Variants in PMS2 observed in about 807,000 individuals in gnomAD.
PMS2 encodes mismatch repair endonuclease PMS2.
A neutral mutation model predicts 90.0 loss-of-function variants in PMS2; 69 were observed. The observed-to-expected ratio is 0.77, with a 90% CI of 0.63 to 0.94. The LOEUF (loss-of-function observed/expected upper bound fraction) is 0.94, where lower values mean the gene tolerates loss of function less well. PMS2 is among the 40% of genes least tolerant of loss of function. The pLI is 0.00. For synonymous variants in PMS2, 332 were observed against 375.1 expected (o/e 0.89, Z 1.33); for missense variants, 966 against 1,040.2 (o/e 0.93, Z 0.98).
At chr7:5,988,914 G>A (rs1260586835) in intron 10 of PMS2, among the ~76,000 whole-genome samples, 1 of 152,040 alleles carries the variant, frequency 6.6e-6, no homozygotes, top group African/African-American at 2.4e-5. Context: ...GGAGTGCAGT[G>A]GCACAATCTT....
At chr7:6,003,631 T>G (rs1459015364) in intron 4 of PMS2, 59 bp downstream of exon 4, 6 of 878,258 alleles carry the variant, frequency 6.8e-6, no homozygotes, top group Non-Finnish European at 9.5e-6. Flanking sequence ...ATGATTCCAA[T>G]TAATTTTCAG....
Position 5,982,810 on chromosome 7 carries a change from C to A in PMS2, c.2174+14G>T, listed in dbSNP as rs2128701987. 6.2e-7 allele frequency: 1 copy of A among 1,609,968 alleles called. No individual in the cohort carries two copies. The highest frequency in any genetic ancestry group is 2.2e-5 in the East Asian group (1 of 44,846). On this transcript the variant is annotated intron_variant, in intron 12 of 14. Coordinates refer to ENST00000265849, the MANE Select transcript of PMS2 (RefSeq NM_000535.7). ...TTGAGGGGGAGTCTGGGAATGAACA[C>A]TAAACACACTCACGCTATGAGCCTC...
Position 5,987,621 on chromosome 7 carries a change from C to T in PMS2, c.1145-1G>A, listed in dbSNP as rs2128737525. The T allele has an allele frequency of 6.3e-7, 1 of 1,586,404 alleles. No homozygotes were observed. The highest frequency in any genetic ancestry group is 8.6e-7 in the Non-Finnish European group (1 of 1,159,254). On this transcript the variant is annotated splice_acceptor_variant, in intron 10 of 14. Transcript: ENST00000265849. LOFTEE classifies it high-confidence loss of function. ...GCTGCATGCATTTTTATTAAGTTAC[C>T]TAAGCAAACGTGGACGGAGAAGAGG...
At chr7:5,995,449 C>T (rs1187220350) in intron 8 of PMS2, 85 bp downstream of exon 8, 8 of 830,126 alleles carry the variant, frequency 9.6e-6, no homozygotes, top group African/African-American at 5.1e-5. Flanking sequence ...CCGAGCTCCA[C>T]GTAAACTGCC....
At chr7:5,992,337 T>C (rs944112405) in intron 8 of PMS2, among the ~76,000 whole-genome samples, 5 of 151,318 alleles carry the variant, frequency 3.3e-5, no homozygotes, top group South Asian at 2.1e-4. Flanking sequence ...TTTTTTTTTT[T>C]CAACGGAGTC....
chr7:5,983,427 A>C (rs1442258783), intron 11 of PMS2, among the ~76,000 whole-genome samples: 1 of 151,492 alleles, frequency 6.6e-6, no homozygotes, highest in Non-Finnish European at 1.5e-5. Flanking sequence ...CCACTTTCTA[A>C]AGATAACATT....
intron 2 of PMS2, among the ~76,000 whole-genome samples, chr7:6,005,041 A>G (rs1228395530): frequency 6.6e-6 from 1 of 151,720 alleles, no homozygotes; most frequent in Non-Finnish European, 1.5e-5. Context: ...AGGAGCTGAG[A>G]TTACAGCCAT....
chr7:5,992,469 G>A (rs1265639959), intron 8 of PMS2, among the ~76,000 whole-genome samples: 2 of 151,938 alleles, frequency 1.3e-5, no homozygotes, highest in African/African-American at 2.4e-5. Flanking sequence ...ACAGGCACAC[G>A]CCACCATGAC....
chr7:5,996,588 A>T lies in PMS2; in HGVS notation c.803+738T>A, dbSNP rs543887447. Among the ~76,000 whole-genome samples, 69 of 89,416 alleles carry T rather than the reference A, an allele frequency of 7.7e-4. 1 individual carries two copies. The South Asian group carries it at 0.013, about 17-fold the overall frequency. The allele number at this position is 89,416 out of a possible 152,430, so 58.7% of individuals were successfully genotyped here. ...CTCCATCTCAAAGCTAAAAAAAAAA[A>T]AAATATATATATATATATATATATA... On this transcript the variant is annotated intron_variant, in intron 7 of 14. Coordinates refer to ENST00000265849, the MANE Select transcript of PMS2 (RefSeq NM_000535.7).
chr7:5,997,249 T>C (rs1784509149), intron 7 of PMS2, 77 bp downstream of exon 7: 2 of 764,256 alleles, frequency 2.6e-6, no homozygotes, highest in Non-Finnish European at 4.6e-6. Context: ...CTATTAGCCT[T>C]AGAATCACTA....
rs530544615 is a variant in PMS2 at position 5,978,514 on chromosome 7, G to A, written c.2275+82C>T. 1.8e-4 allele frequency: 232 copies of A among 1,276,142 alleles called. No homozygotes were observed. The African/African-American group carries it at 2.8e-3, about 15-fold the overall frequency. The allele number at this position is 1,276,142 out of a possible 1,614,324, so 79.1% of individuals were successfully genotyped here. On this transcript the variant is annotated intron_variant, in intron 13 of 14. Transcript: ENST00000265849. ...TCAAACTCCTGACCTCAGGCGATCTGCCCGCCTTGGCCTCCCAGAGTGCTG... is the reference window on the plus strand; with the variant it reads ...TCAAACTCCTGACCTCAGGCGATCTACCCGCCTTGGCCTCCCAGAGTGCTG...
chr7:6,004,715 CAAAAAA>C (rs71008347), intron 2 of PMS2, among the ~76,000 whole-genome samples: 1 of 96,542 alleles, frequency 1.0e-5, no homozygotes, highest in African/African-American at 3.8e-5. Flanking sequence ...AACTCTATCT[CAAAAAA>C]AAAAAAAAAA....
chr7:5,987,178 C>T lies in PMS2; in HGVS notation c.1587G>A (p.Ser529=), dbSNP rs786201709. 8 of 1,613,850 alleles carry T rather than the reference C, an allele frequency of 5.0e-6. No individual in the cohort carries two copies. Among genetic ancestry groups the T allele is most frequent in the East Asian group, 2.2e-5 (1 of 44,902 alleles). The change falls in exon 11 of 15, where the codon TCG becomes TCA. Residue 529 remains serine, a synonymous_variant. Transcript: ENST00000265849. ...YAASSPGDRG[S]QEHVDSQEKA... ...TCTCCTGAGAGTCCACATGTTCCTG[C>T]GAGCCCCTGTCCCCTGGGGAGCTGG...
intron 6 of PMS2, 139 bp from the exon 7 acceptor site, chr7:5,997,562 T>C (rs1583376722): frequency 1.5e-6 from 1 of 651,934 alleles, no homozygotes; most frequent in Non-Finnish European, 2.7e-6. Context: ...TTTTGTTTTT[T>C]GAGACAGGGT....
chr7:6,009,081 C>T (rs752032116), upstream of PMS2: 8 of 1,581,352 alleles, frequency 5.1e-6, no homozygotes, highest in Non-Finnish European at 6.9e-6. Flanking sequence ...CCCACAGGCG[C>T]TCCGCCTCCT....
chr7:5,988,946 C>G (rs145381793), intron 10 of PMS2, among the ~76,000 whole-genome samples: 4,126 of 152,208 alleles, frequency 0.027, 80 homozygotes, highest in Non-Finnish European at 0.042. Context: ...AGCCCCTCCT[C>G]CCGGGTTCAC....
chr7:6,003,044 A>G (rs1785281312), intron 4 of PMS2, among the ~76,000 whole-genome samples: 1 of 152,172 alleles, frequency 6.6e-6, no homozygotes, highest in Non-Finnish European at 1.5e-5. Context: ...CTGTTATCCC[A>G]GCACTTTGGG....
chr7:5,990,042 C>T (rs1783566307), intron 9 of PMS2, 87 bp from the exon 10 acceptor site: 1 of 934,566 alleles, frequency 1.1e-6, no homozygotes, highest in Admixed American at 2.4e-5. Context: ...GCGTCTCACT[C>T]TGTCGCCTAG....
chr7:5,986,631 G>T, intron 11 of PMS2, 128 bp downstream of exon 11: 1 of 667,580 alleles, frequency 1.5e-6, no homozygotes, highest in Non-Finnish European at 2.4e-6. Context: ...GGTGGAGGCT[G>T]CAGTGAGCCA....
Sources: allele counts gnomAD v4.1 joint callset (sites outside exome capture counted in the v4.1 genomes callset), GRCh38; gene constraint gnomAD v4.1.1; transcripts MANE v1.5; gene names NCBI Gene and HGNC (gene_info 2026-07-23, HGNC 2026-07-21).